Variants in CDC42EP3 observed in about 807,000 individuals in gnomAD.
CDC42EP3 encodes the protein CDC42 effector protein 3, also known as CDC42 effector protein (Rho GTPase binding) 3.
In CDC42EP3, 4 loss-of-function variants were observed where a neutral mutation model predicts 15.5. The ratio of observed to expected loss-of-function variants is 0.26; its 90% CI spans 0.13 to 0.59. The LOEUF (loss-of-function observed/expected upper bound fraction) is 0.59, where lower values mean the gene tolerates loss of function less well. CDC42EP3 is among the 20% of genes least tolerant of loss of function. The pLI, the probability that CDC42EP3 is intolerant of heterozygous loss-of-function variation, is 0.89. For synonymous variants in CDC42EP3, 145 were observed against 130.3 expected (o/e 1.11, Z -0.77); for missense variants, 309 against 311.2 (o/e 0.99, Z 0.05).
At position 37,646,298 on chromosome 2, in the gene CDC42EP3, TC is replaced by T; in HGVS notation, c.289del (p.Glu97LysfsTer30). Reference sequence around the variant, plus strand: ...ATTTTTGAGCACCGGGGAGGGCGTTTCTGTGAACACAGAGTCCGAGGTGCTG... The same window carrying T: ...ATTTTTGAGCACCGGGGAGGGCGTTTTGTGAACACAGAGTCCGAGGTGCTG... ...ANSTSDSVFTETPSPVLKNAI... is the reference protein window; with the variant it reads ...ANSTSDSVFTXTPSPVLKNAI... On this transcript the variant is annotated frameshift_variant, in exon 2 of 2. Transcript: ENST00000295324. LOFTEE classifies it high-confidence loss of function. 1 of 1,614,218 alleles carries T rather than the reference TC, an allele frequency of 6.2e-7. No individual in the cohort carries two copies. The highest frequency in any genetic ancestry group is 1.1e-5 in the South Asian group (1 of 91,082).
intron 1 of CDC42EP3, among the ~76,000 whole-genome samples, chr2:37,651,497 G>A (rs778537829): frequency 5.3e-5 from 8 of 152,222 alleles, no homozygotes; most frequent in Non-Finnish European, 1.0e-4. Context: ...CAATGGCAGT[G>A]TGTGGGTATA....
chr2:37,653,466 G>A (rs969291360), intron 1 of CDC42EP3, among the ~76,000 whole-genome samples: 3 of 152,114 alleles, frequency 2.0e-5, no homozygotes, highest in African/African-American at 7.2e-5. Context: ...ATTTGGTTAA[G>A]AAAAAAACTG....
Position 37,642,576 on chromosome 2 carries a change from A to G in CDC42EP3, c.*3247T>C, listed in dbSNP as rs996123343. The G allele has an allele frequency of 2.6e-5, 4 of 152,182 alleles. No homozygotes were observed. Among genetic ancestry groups the G allele is most frequent in the African/African-American group, 9.7e-5 (4 of 41,444 alleles). The allele number at this position is 152,182 out of a possible 1,614,324, so 9.4% of individuals were successfully genotyped here. A position where few individuals can be genotyped will look rare whatever the true frequency, so the allele number is the denominator to read the frequency against. On this transcript the variant is annotated 3_prime_UTR_variant, in exon 2 of 2. Coordinates refer to ENST00000295324, the MANE Select transcript of CDC42EP3 (RefSeq NM_006449.5). ...AAACTCTTACTGGAGAGAAACCATCATGTTGGCTCATTCTATTGTGTTTAT... is the reference window on the plus strand; with the variant it reads ...AAACTCTTACTGGAGAGAAACCATCGTGTTGGCTCATTCTATTGTGTTTAT...
At chr2:37,662,239 G>A (rs1228393491) in intron 1 of CDC42EP3, among the ~76,000 whole-genome samples, 1 of 152,160 alleles carries the variant, frequency 6.6e-6, no homozygotes, top group Non-Finnish European at 1.5e-5. Context: ...GGGAGCTTCA[G>A]TGTCCCCATC....
At chr2:37,669,738 T>G (rs1383540143) in intron 1 of CDC42EP3, among the ~76,000 whole-genome samples, 1 of 152,224 alleles carries the variant, frequency 6.6e-6, no homozygotes, top group East Asian at 1.9e-4. Context: ...TCTAAAGTTC[T>G]TATCTGTGAG....
intron 1 of CDC42EP3, among the ~76,000 whole-genome samples, chr2:37,648,257 T>C (rs1490204115): frequency 6.6e-6 from 1 of 152,202 alleles, no homozygotes; most frequent in Non-Finnish European, 1.5e-5. Context: ...CCATGACCTC[T>C]TCCCTCAGGC....
In CDC42EP3 at chr2:37,657,001, C is replaced by CCCCG. The variant is rs1208218676; in HGVS notation, c.-235-10180_-235-10179insCGGG. Among the ~76,000 whole-genome samples, 624 of 102,990 alleles carry CCCCG rather than the reference C, an allele frequency of 6.1e-3. 5 individuals carry two copies. Among genetic ancestry groups the CCCCG allele is most frequent in the East Asian group, 0.016 (30 of 1,876 alleles). The allele number at this position is 102,990 out of a possible 152,430, so 67.6% of individuals were successfully genotyped here. On this transcript the variant is annotated intron_variant, in intron 1 of 1. Transcript: ENST00000295324. Reference sequence around the variant, plus strand: ...AAAGCCCCCCCCCCACCCCCCGCCCCCCGCCATCCTCGAGGAGAAAAACAA... The same window carrying CCCCG: ...AAAGCCCCCCCCCCACCCCCCGCCCCCCCGCCGCCATCCTCGAGGAGAAAAACAA...
In CDC42EP3 at chr2:37,646,648, GTA is replaced by G. The variant is rs1318712241; in HGVS notation, c.-63_-62del. The G allele has an allele frequency of 3.5e-6, 5 of 1,426,050 alleles. No individual in the cohort carries two copies. Among genetic ancestry groups the G allele is most frequent in the Non-Finnish European group, 3.8e-6 (4 of 1,056,890 alleles). 88.3% of individuals were successfully genotyped at this position (1,426,050 alleles called of 1,614,324 possible). ...GAAAGGGCCACTTTCTTCACAGATG[GTA>G]TATGTTTCTGAATCCTTTTTGATAG... On this transcript the variant is annotated 5_prime_UTR_variant, in exon 2 of 2. Coordinates refer to ENST00000295324, the MANE Select transcript of CDC42EP3 (RefSeq NM_006449.5).
chr2:37,650,853 G>C (rs1374998058), intron 1 of CDC42EP3, among the ~76,000 whole-genome samples: 1 of 152,238 alleles, frequency 6.6e-6, no homozygotes, highest in Non-Finnish European at 1.5e-5. Flanking sequence ...AAACTCAGTA[G>C]AGGCAGTGGG....
chr2:37,656,201 G>C (rs1369021613), intron 1 of CDC42EP3, among the ~76,000 whole-genome samples: 2 of 152,228 alleles, frequency 1.3e-5, no homozygotes, highest in Non-Finnish European at 2.9e-5. Context: ...GAATCTGGTA[G>C]TCGTCATTCT....
At chr2:37,669,233 TAAAAAAA>T (rs577020049) in intron 1 of CDC42EP3, among the ~76,000 whole-genome samples, 1 of 121,422 alleles carries the variant, frequency 8.2e-6, no homozygotes. Context: ...ATGGCCTGGC[TAAAAAAA>T]AAAAAAAAAA....
chr2:37,662,063 G>A (rs993484313), intron 1 of CDC42EP3, among the ~76,000 whole-genome samples: 10 of 151,306 alleles, frequency 6.6e-5, no homozygotes, highest in African/African-American at 9.8e-5. Context: ...AACATCTAGC[G>A]TCTAGGAAGT....
At chr2:37,668,493 G>A (rs1020483352) in intron 1 of CDC42EP3, among the ~76,000 whole-genome samples, 68 of 152,196 alleles carry the variant, frequency 4.5e-4, no homozygotes, top group African/African-American at 1.6e-3. Context: ...AGTCACACAG[G>A]TGTTAAGTGC....
Position 37,644,190 on chromosome 2 carries a change from AGAT to A in CDC42EP3, c.*1630_*1632del, listed in dbSNP as rs1665365840. On this transcript the variant is annotated 3_prime_UTR_variant, in exon 2 of 2. Transcript: ENST00000295324. The stretch of plus-strand genomic sequence containing the variant: ...TTACCTGCAGTCCAAAGGTTATTTT[AGAT>A]GATAGAACTGCAAGAACCCCAAACC... 1 of 152,162 alleles carries A rather than the reference AGAT, an allele frequency of 6.6e-6. No individual in the cohort carries two copies. Among genetic ancestry groups the A allele is most frequent in the Admixed American group, 6.5e-5 (1 of 15,280 alleles). The allele number at this position is 152,162 out of a possible 1,614,324, so 9.4% of individuals were successfully genotyped here.
rs576553217 is a variant in CDC42EP3 at position 37,649,882 on chromosome 2, G to T, written c.-235-3060C>A. On this transcript the variant is annotated intron_variant, in intron 1 of 1. Coordinates refer to ENST00000295324, the MANE Select transcript of CDC42EP3 (RefSeq NM_006449.5). ...CTACCTAAGCTGTAGTGAGATTCTGGTGAGTAGGAGATACTGGAGAAGATA... is the reference window on the plus strand; with the variant it reads ...CTACCTAAGCTGTAGTGAGATTCTGTTGAGTAGGAGATACTGGAGAAGATA... Among the ~76,000 whole-genome samples, 331 of 152,308 alleles carry T rather than the reference G, an allele frequency of 2.2e-3. 1 individual carries two copies. The highest frequency in any genetic ancestry group is 3.7e-3 in the Non-Finnish European group (251 of 68,024).
chr2:37,663,104 G>A (rs1666127825), intron 1 of CDC42EP3, among the ~76,000 whole-genome samples: 1 of 152,242 alleles, frequency 6.6e-6, no homozygotes, highest in Admixed American at 6.5e-5. Context: ...GGCAGAGGTT[G>A]TAGTAAGCCA....
intron 1 of CDC42EP3, among the ~76,000 whole-genome samples, chr2:37,652,129 C>T (rs187526465): frequency 0.016 from 1,899 of 122,286 alleles, 57 homozygotes; most frequent in African/African-American, 0.056. Flanking sequence ...GAGCCAAGAT[C>T]GTGCCACTGC....
intron 1 of CDC42EP3, among the ~76,000 whole-genome samples, chr2:37,661,974 C>A (rs1241206730): frequency 6.6e-6 from 1 of 151,900 alleles, no homozygotes; most frequent in African/African-American, 2.4e-5. Flanking sequence ...TTGGTTTTAT[C>A]ATGTCAGAAT....
At chr2:37,647,121 T>C (rs904449491) in intron 1 of CDC42EP3, among the ~76,000 whole-genome samples, 4 of 152,250 alleles carry the variant, frequency 2.6e-5, no homozygotes, top group African/African-American at 4.8e-5. Flanking sequence ...ATAGGATCAG[T>C]GATTTCAGCT....
Sources: gnomAD v4.1 joint callset for allele counts (sites outside exome capture counted in the v4.1 genomes callset) on GRCh38, gnomAD v4.1.1 for gene constraint, MANE v1.5 for transcripts, NCBI Gene and HGNC (gene_info 2026-07-23, HGNC 2026-07-21) for gene names.